Variants in RAP1B observed in about 807,000 individuals in gnomAD.
The protein encoded by RAP1B is RAP1B, member of RAS oncogene family.
In RAP1B, 1 loss-of-function variant was observed where a neutral mutation model predicts 27.5. The ratio of observed to expected loss-of-function variants is 0.04; its 90% confidence interval spans 0.01 to 0.17. The LOEUF (loss-of-function observed/expected upper bound fraction) is 0.17. Ranked by LOEUF, RAP1B falls within the 10% of genes least tolerant of loss-of-function variation. RAP1B has a pLI of 1.00. For synonymous variants in RAP1B, 75 were observed against 73.1 expected (o/e 1.03, Z -0.13); for missense variants, 84 against 214.8 (o/e 0.39, Z 3.81).
Position 68,656,358 on chromosome 12 carries a change from T to C in RAP1B, c.377T>C (p.Val126Ala). 6.2e-7 allele frequency: 1 copy of C among 1,608,020 alleles called. No individual in the cohort carries two copies. Among genetic ancestry groups the C allele is most frequent in the East Asian group, 2.2e-5 (1 of 44,728 alleles). Residue 126 changes from valine (V) to alanine (A), a missense_variant, in exon 6 of 8, where the codon GTA becomes GCA. Physicochemically the swap from Val to Ala is moderately conservative, Grantham distance 64. Coordinates refer to ENST00000250559, the MANE Select transcript of RAP1B (RefSeq NM_001010942.3). ...NKCDLEDERV[V>A]GKEQGQNLAR... ...TGTGACTTGGAAGATGAAAGAGTTGTAGGGAAGGAACAAGGTCAAAATCTA... is the reference window on the plus strand; with the variant it reads ...TGTGACTTGGAAGATGAAAGAGTTGCAGGGAAGGAACAAGGTCAAAATCTA...
At chr12:68,639,029 A>AT (rs1872816010) in intron 1 of RAP1B, among the ~76,000 whole-genome samples, 1 of 152,202 alleles carries the variant, frequency 6.6e-6, no homozygotes, top group Non-Finnish European at 1.5e-5. Context: ...TTATTATAAC[A>AT]AAACATTTTA....
chr12:68,626,803 T>C (rs1343102901), intron 1 of RAP1B: 1 of 1,417,598 alleles, frequency 7.1e-7, no homozygotes, highest in East Asian at 2.4e-5. Context: ...TTTGTTTGTT[T>C]GTTTTGGGTG....
At chr12:68,613,867 AC>A (rs1260873603) in intron 1 of RAP1B, among the ~76,000 whole-genome samples, 1 of 152,232 alleles carries the variant, frequency 6.6e-6, no homozygotes, top group Non-Finnish European at 1.5e-5. Flanking sequence ...CTTTTACTTG[AC>A]AAATTAATTT....
In RAP1B at chr12:68,643,871, G is replaced by GA. The variant is rs1000327080; in HGVS notation, c.-26-4820dup. Reference sequence around the variant, plus strand: ...TATTTATTAACAATAGAACTGTCAGGAAAAAAAATAAGCAAAAGGAAAAGA... The same window carrying GA: ...TATTTATTAACAATAGAACTGTCAGGAAAAAAAAATAAGCAAAAGGAAAAGA... On this transcript the variant is annotated intron_variant, in intron 1 of 7. Transcript: ENST00000250559. Among the ~76,000 whole-genome samples the GA allele has an allele frequency of 4.0e-5, 6 of 151,340 alleles. No individual in the cohort carries two copies. In the South Asian group the frequency reaches 8.3e-4, roughly 21 times the overall value.
At chr12:68,651,301 A>G (rs978276306) in intron 3 of RAP1B, among the ~76,000 whole-genome samples, 3 of 151,682 alleles carry the variant, frequency 2.0e-5, no homozygotes, top group Non-Finnish European at 2.9e-5. Flanking sequence ...GGTATTTCCC[A>G]ACCTCTATGA....
At position 68,642,661 on chromosome 12, in the gene RAP1B, T is replaced by C. The variant is rs181739635; in HGVS notation, c.-26-6038T>C. 9.0e-4 allele frequency: 1,025 copies of C among 1,135,578 alleles called. 1 individual carries two copies. The highest frequency in any genetic ancestry group is 1.1e-3 in the Non-Finnish European group (837 of 746,618). The allele number at this position is 1,135,578 out of a possible 1,614,324, so 70.3% of individuals were successfully genotyped here. A position where few individuals can be genotyped will look rare whatever the true frequency, so the allele number is the denominator to read the frequency against. On this transcript the variant is annotated intron_variant, in intron 1 of 7. Coordinates refer to ENST00000250559, the MANE Select transcript of RAP1B (RefSeq NM_001010942.3). ...TCTTCTCCATCTGTTTCTCATATTC[T>C]ACAATCCTGGCCTTTGAGAGAGACA...
chr12:68,622,040 T>C (rs1379797095), intron 1 of RAP1B, among the ~76,000 whole-genome samples: 1 of 152,246 alleles, frequency 6.6e-6, no homozygotes, highest in Non-Finnish European at 1.5e-5. Flanking sequence ...TGTACTCTGT[T>C]GTCTTAAAAA....
intron 3 of RAP1B, 31 bp from the exon 4 acceptor site, chr12:68,651,964 A>T (rs773002247): frequency 6.3e-7 from 1 of 1,583,856 alleles, no homozygotes; most frequent in South Asian, 1.1e-5. Context: ...TACATTGAAA[A>T]AATGAACATG....
chr12:68,627,068 A>T, intron 1 of RAP1B: 1 of 1,593,520 alleles, frequency 6.3e-7, no homozygotes, highest in Non-Finnish European at 8.5e-7. Flanking sequence ...GCAGGGCCTC[A>T]ATCACATGCT....
chr12:68,621,182 C>T lies in RAP1B; in HGVS notation c.-27+10139C>T, dbSNP rs1380897230. Among the ~76,000 whole-genome samples, 4 of 152,292 alleles carry T rather than the reference C, an allele frequency of 2.6e-5. No individual in the cohort carries two copies. In the East Asian group the frequency reaches 7.7e-4, roughly 29 times the overall value. On this transcript the variant is annotated intron_variant, in intron 1 of 7. Coordinates refer to ENST00000250559, the MANE Select transcript of RAP1B (RefSeq NM_001010942.3). ...TTCAGGGATTAAGCATTATAGAACTCCTGCCTGCATGTGCTAATCCCATAG... is the reference window on the plus strand; with the variant it reads ...TTCAGGGATTAAGCATTATAGAACTTCTGCCTGCATGTGCTAATCCCATAG...
In RAP1B at chr12:68,671,416, G is replaced by A. The variant is rs1875088866; in HGVS notation, c.*12167G>A. 6.6e-6 allele frequency: 1 copy of A among 152,142 alleles called. No individual in the cohort carries two copies. Among genetic ancestry groups the A allele is most frequent in the East Asian group, 1.9e-4 (1 of 5,202 alleles). The allele number at this position is 152,142 out of a possible 1,614,324, so 9.4% of individuals were successfully genotyped here. On this transcript the variant is annotated 3_prime_UTR_variant, in exon 8 of 8. Coordinates refer to ENST00000250559, the MANE Select transcript of RAP1B (RefSeq NM_001010942.3). ...CTCTAGAAGGAAAAACAGAGTGCAT[G>A]CCCATCAATAGAATAGTTGAATAAA... is the stretch of plus-strand genomic sequence containing the variant.
At chr12:68,657,771 CACGT>C (rs1216262192) in intron 7 of RAP1B, 1 of 151,032 alleles carries the variant, frequency 6.6e-6, no homozygotes, top group Non-Finnish European at 1.4e-5. Context: ...CACACACACA[CACGT>C]GCGCGCGTGC....
At position 68,656,251 on chromosome 12, in the gene RAP1B, G is replaced by T. The variant is rs940249856; in HGVS notation, c.325-55G>T. 8.9e-6 allele frequency: 13 copies of T among 1,453,846 alleles called. No individual in the cohort carries two copies. In the African/African-American group the frequency reaches 1.7e-4, roughly 19 times the overall value. 90.1% of individuals were successfully genotyped at this position (1,453,846 alleles called of 1,614,324 possible). On this transcript the variant is annotated intron_variant, in intron 5 of 7. Coordinates refer to ENST00000250559, the MANE Select transcript of RAP1B (RefSeq NM_001010942.3). ...TTGACTCTTAGAATTCTTTTGATTTGAATTCATATAGCATATTTACTTATT... is the reference window on the plus strand; with the variant it reads ...TTGACTCTTAGAATTCTTTTGATTTTAATTCATATAGCATATTTACTTATT...
intron 5 of RAP1B, 127 bp from the exon 6 acceptor site, chr12:68,656,179 T>C (rs1375496451): frequency 2.5e-6 from 2 of 805,678 alleles, no homozygotes; most frequent in Non-Finnish European, 3.9e-6. Flanking sequence ...AATTTTATTA[T>C]ACATTATTTA....
At chr12:68,651,126 C>T (rs41301119) in intron 3 of RAP1B, among the ~76,000 whole-genome samples, 26,814 of 152,150 alleles carry the variant, frequency 0.18, 3,042 homozygotes, top group South Asian at 0.45. Context: ...CCACTTGTAG[C>T]GTGATGTTCC....
At chr12:68,625,920 C>CAA (rs770271886) in intron 1 of RAP1B, among the ~76,000 whole-genome samples, 5 of 117,232 alleles carry the variant, frequency 4.3e-5, no homozygotes, top group Non-Finnish European at 5.7e-5. Context: ...GACTCTGTCT[C>CAA]AAAAAAAAAA....
intron 1 of RAP1B, among the ~76,000 whole-genome samples, chr12:68,635,996 A>G (rs775474922): frequency 1.7e-4 from 26 of 151,710 alleles, no homozygotes; most frequent in Non-Finnish European, 2.5e-4. Flanking sequence ...CTCCTGCCTC[A>G]GCTTCCTGAG....
At chr12:68,635,798 CTG>C (rs1263138888) in intron 1 of RAP1B, among the ~76,000 whole-genome samples, 5 of 151,922 alleles carry the variant, frequency 3.3e-5, no homozygotes, top group Admixed American at 6.6e-5. Flanking sequence ...GAATTTCAAA[CTG>C]GGGTTAGGGG....
In RAP1B at chr12:68,632,570, G is replaced by A. The variant is rs575797626; in HGVS notation, c.-26-16129G>A. ...AAAGGCCAAAATGTGGGAAAATTTT[G>A]ACTAAAGTTGAAAAAGAATGATGTC... On this transcript the variant is annotated intron_variant, in intron 1 of 7. Transcript: ENST00000250559. Among the ~76,000 whole-genome samples, 4 of 151,458 alleles carry A rather than the reference G, an allele frequency of 2.6e-5. No homozygotes were observed. In the South Asian group the frequency reaches 8.4e-4, roughly 32 times the overall value.
Sources: allele counts gnomAD v4.1 joint callset (sites outside exome capture counted in the v4.1 genomes callset), GRCh38; gene constraint gnomAD v4.1.1; transcripts MANE v1.5; gene names NCBI Gene and HGNC (gene_info 2026-07-23, HGNC 2026-07-21).